Variants in ASTN2 observed in about 807,000 individuals in gnomAD.
ASTN2 encodes astrotactin-2.
In ASTN2, 54 loss-of-function variants were observed where a neutral mutation model predicts 139.8. The ratio of observed to expected loss-of-function variants is 0.39; its 90% CI spans 0.31 to 0.48. The LOEUF is 0.48. Among genes scored for constraint, ASTN2 ranks in the 20% least tolerant of loss-of-function variants. The pLI, the probability that ASTN2 is intolerant of heterozygous loss-of-function variation, is 0.95. For missense variants in ASTN2, 1,565 were observed against 1,725.1 expected (o/e 0.91, Z 1.64); for synonymous variants, 756 against 719.5 (o/e 1.05, Z -0.81).
At chr9:117,159,428 G>A (rs1830499840) in intron 3 of ASTN2, among the ~76,000 whole-genome samples, 2 of 152,042 alleles carry the variant, frequency 1.3e-5, no homozygotes, top group Non-Finnish European at 2.9e-5. Flanking sequence ...GAAGGTTGAT[G>A]AAGTCAGCAA....
intron 7 of ASTN2, among the ~76,000 whole-genome samples, chr9:116,994,248 A>C (rs1037251981): frequency 6.6e-6 from 1 of 152,180 alleles, no homozygotes; most frequent in Admixed American, 6.5e-5. Flanking sequence ...GTCATGGGCA[A>C]TATGTAAGCT....
intron 2 of ASTN2, among the ~76,000 whole-genome samples, chr9:117,258,600 G>A (rs1833747926): frequency 6.6e-6 from 1 of 152,064 alleles, no homozygotes; most frequent in East Asian, 1.9e-4. Context: ...TGCTTGTAAA[G>A]GTCTGCTGTG....
At chr9:116,744,521 T>C (rs778581238) in intron 13 of ASTN2, among the ~76,000 whole-genome samples, 1 of 152,050 alleles carries the variant, frequency 6.6e-6, no homozygotes, top group Non-Finnish European at 1.5e-5. Flanking sequence ...AGACAAGACA[T>C]AACCGATTAG....
intron 10 of ASTN2, among the ~76,000 whole-genome samples, chr9:116,869,151 C>T (rs1221813104): frequency 6.6e-6 from 1 of 152,046 alleles, no homozygotes; most frequent in Admixed American, 6.5e-5. Context: ...CAGCATTGCA[C>T]TCCAGCCTGG....
At chr9:116,642,078 C>A (rs1379687969) in intron 17 of ASTN2, among the ~76,000 whole-genome samples, 1 of 121,296 alleles carries the variant, frequency 8.2e-6, no homozygotes, top group Non-Finnish European at 1.6e-5. Flanking sequence ...TTCTCAAGCT[C>A]ATTTTGTACC....
rs75718633 is a variant in ASTN2, at chr9:117,072,534, T to A, written c.1276+23510A>T. Among the ~76,000 whole-genome samples the A allele has an allele frequency of 9.1e-3, 1,378 of 152,170 alleles. 13 individuals carry two copies. The highest frequency in any genetic ancestry group is 0.046 in the South Asian group (221 of 4,822). ...AGGAAGAGATGAAAAGAAGAATGAA[T>A]CAAGGATAGAGGAAGGAGAAAGACA... On this transcript the variant is annotated intron_variant, in intron 5 of 22. Transcript: ENST00000313400.
intron 17 of ASTN2, among the ~76,000 whole-genome samples, chr9:116,637,452 C>T (rs4472590): frequency 1.3e-5 from 2 of 151,872 alleles, no homozygotes; most frequent in African/African-American, 2.4e-5. Flanking sequence ...CAAAAGCTTA[C>T]GAATTTAAGT....
At chr9:116,460,289 C>A (rs1848447196) in intron 20 of ASTN2, among the ~76,000 whole-genome samples, 1 of 152,030 alleles carries the variant, frequency 6.6e-6, no homozygotes, top group Non-Finnish European at 1.5e-5. Flanking sequence ...TACAGAGTTT[C>A]TTTTTCGGGT....
At chr9:116,525,965 T>C (rs1483959572) in intron 19 of ASTN2, among the ~76,000 whole-genome samples, 1 of 152,142 alleles carries the variant, frequency 6.6e-6, no homozygotes, top group Non-Finnish European at 1.5e-5. Context: ...TCCCTCAACT[T>C]GGTAGATCAT....
At chr9:116,520,779 A>T (rs570498602) in intron 19 of ASTN2, among the ~76,000 whole-genome samples, 2 of 152,154 alleles carry the variant, frequency 1.3e-5, no homozygotes, top group Non-Finnish European at 2.9e-5. Flanking sequence ...AAGCTCCTAG[A>T]ACTGGTAAAT....
intron 11 of ASTN2, among the ~76,000 whole-genome samples, chr9:116,838,125 T>C (rs1832070758): frequency 1.3e-5 from 2 of 150,180 alleles, no homozygotes; most frequent in Non-Finnish European, 3.0e-5. Flanking sequence ...TGTTTTGTTT[T>C]TTGAGACAGA....
chr9:117,278,479 T>C (rs541937147), intron 2 of ASTN2, among the ~76,000 whole-genome samples: 17 of 152,184 alleles, frequency 1.1e-4, no homozygotes, highest in Admixed American at 3.3e-4. Context: ...ACAAAGGAGG[T>C]GAGCAGAGAA....
intron 19 of ASTN2, among the ~76,000 whole-genome samples, chr9:116,488,585 A>C (rs1482775245): frequency 6.6e-6 from 1 of 152,232 alleles, no homozygotes; most frequent in Non-Finnish European, 1.5e-5. Flanking sequence ...GCAATAGGCT[A>C]TTTTATAGTC....
chr9:117,207,659 T>G (rs951449263), intron 3 of ASTN2, among the ~76,000 whole-genome samples: 1 of 151,970 alleles, frequency 6.6e-6, no homozygotes, highest in Non-Finnish European at 1.5e-5. Flanking sequence ...CTGAGAAACA[T>G]CCCTTTGAGC....
chr9:116,769,814 G>A (rs911567954), intron 13 of ASTN2, among the ~76,000 whole-genome samples: 6 of 152,124 alleles, frequency 3.9e-5, no homozygotes, highest in Admixed American at 3.9e-4. Flanking sequence ...CAAGGTCGAG[G>A]CAGGAGAATC....
intron 13 of ASTN2, among the ~76,000 whole-genome samples, chr9:116,770,085 A>C (rs1829916030): frequency 6.7e-6 from 1 of 149,364 alleles, no homozygotes; most frequent in Non-Finnish European, 1.5e-5. Flanking sequence ...TGGGGGCATA[A>C]ACAAGGGCTC....
chr9:116,475,878 C>G (rs1050249936), intron 20 of ASTN2, among the ~76,000 whole-genome samples: 1 of 152,194 alleles, frequency 6.6e-6, no homozygotes, highest in African/African-American at 2.4e-5. Flanking sequence ...CTTTCCCTGG[C>G]CTTCCACATT....
chr9:117,171,002 G>A (rs1270756208), intron 3 of ASTN2, among the ~76,000 whole-genome samples: 1 of 152,054 alleles, frequency 6.6e-6, no homozygotes, highest in Non-Finnish European at 1.5e-5. Context: ...AAAGTTGCTG[G>A]GAACCGCATC....
intron 4 of ASTN2, among the ~76,000 whole-genome samples, chr9:117,107,472 C>T (rs1418728034): frequency 6.6e-6 from 1 of 152,184 alleles, no homozygotes; most frequent in African/African-American, 2.4e-5. Context: ...TTCTGTAACA[C>T]TGGGTATTAC....
Sources: gnomAD v4.1 joint callset for allele counts (sites outside exome capture counted in the v4.1 genomes callset) on GRCh38, gnomAD v4.1.1 for gene constraint, MANE v1.5 for transcripts, NCBI Gene and HGNC (gene_info 2026-07-23, HGNC 2026-07-21) for gene names.